ZNF318: variants seen among roughly 807,000 people sequenced by gnomAD.
ZNF318 encodes endocrine regulator.
ZNF318 carries 51 observed loss-of-function variants against 124.2 expected under a neutral mutation model. The ratio of observed to expected loss-of-function variants is 0.41; its 90% confidence interval spans 0.33 to 0.52. The LOEUF is 0.52. Among genes scored for constraint, ZNF318 ranks in the 20% least tolerant of loss-of-function variants. ZNF318 has a pLI of 0.23. For synonymous variants in ZNF318, 1,090 were observed against 1,040.7 expected (o/e 1.05, Z -0.91); for missense variants, 2,815 against 2,811.2 (o/e 1.00, Z -0.03).
rs1379892692 is a variant in ZNF318 at position 43,357,758 on chromosome 6, G to C, written c.556C>G (p.Leu186Val). 6.3e-7 allele frequency: 1 copy of C among 1,590,110 alleles called. No homozygotes were observed. Among genetic ancestry groups the C allele is most frequent in the Non-Finnish European group, 8.5e-7 (1 of 1,175,606 alleles). The change falls in exon 3 of 10, where the codon CTG (leucine) becomes GTG (valine). Residue 186 changes from leucine (L) to valine (V), a missense_variant. This residue lies in a region of ZNF318 where 1,377 missense variants were observed against 1,353.5 expected (regional missense o/e 1.02). Coordinates refer to ENST00000361428, the MANE Select transcript of ZNF318 (RefSeq NM_014345.3). ...DNLEDMDRDD[L>V]TDDSVFTRSS... ...CGAGTGAAGACAGAATCATCAGTCA[G>C]GTCATCCCTGAGGAAAAAGAGAAGC...
At chr6:43,363,920 A>G in intron 2 of ZNF318, 1 of 676,524 alleles carries the variant, frequency 1.5e-6, no homozygotes, top group South Asian at 1.6e-5. Context: ...CACAGAGGCT[A>G]CTGGGGGAAC....
rs1779747793 is a variant in ZNF318, at chr6:43,365,446, A to G, written c.400-6T>C. ...CACAGACCAGGAGAGCGTCTCTACA[A>G]AAGTAAAGGATAATATGGTTAGTCA... On this transcript the variant is annotated splice_region_variant and splice_polypyrimidine_tract_variant and intron_variant, in intron 1 of 9. Transcript: ENST00000361428. 2 of 1,612,550 alleles carry G rather than the reference A, an allele frequency of 1.2e-6. No individual in the cohort carries two copies. The highest frequency in any genetic ancestry group is 1.3e-5 in the African/African-American group (1 of 75,026).
intron 2 of ZNF318, among the ~76,000 whole-genome samples, chr6:43,362,435 G>A (rs1779694200): frequency 6.7e-6 from 1 of 150,236 alleles, no homozygotes; most frequent in African/African-American, 2.5e-5. Flanking sequence ...CCAGGCAACA[G>A]TGCAAGACTC....
intron 2 of ZNF318, among the ~76,000 whole-genome samples, chr6:43,358,409 G>A (rs966608066): frequency 5.7e-5 from 6 of 104,658 alleles, no homozygotes; most frequent in South Asian, 3.3e-4. Flanking sequence ...CATCACACCC[G>A]GCTAATTTTT....
chr6:43,355,131 A>C lies in ZNF318; in HGVS notation c.2203T>G (p.Ser735Ala). Residue 735 changes from serine (S) to alanine (A), a missense_variant, in exon 4 of 10, where the codon TCT becomes GCT. Ser to Ala is a moderately conservative substitution (Grantham distance 99). This residue lies in a region of ZNF318 where 1,377 missense variants were observed against 1,353.5 expected (regional missense o/e 1.02). Coordinates refer to ENST00000361428, the MANE Select transcript of ZNF318 (RefSeq NM_014345.3). ...PEVVGSGFQS[S>A]VAVRCMLPSA... ...GGCAACATGCACCTGACTGCAACAG[A>C]TGACTGAAACCCACTACCAACCACC... The C allele has an allele frequency of 6.2e-7, 1 of 1,614,220 alleles. No individual in the cohort carries two copies. The highest frequency in any genetic ancestry group is 1.6e-4 in the Middle Eastern group (1 of 6,062).
At position 43,355,627 on chromosome 6, in the gene ZNF318, G is replaced by C. The variant is rs1296545365; in HGVS notation, c.1707C>G (p.Ser569=). ...TTACAGCTGGAGCTGAAGACGGCAG[G>C]GAGCTTGCCTTCTGCCTCATAACTT... ...ESEVMRQKAS[S]LPSSAPAVKL... Residue 569 remains serine (S), a synonymous_variant, in exon 4 of 10, where the codon TCC becomes TCG. Transcript: ENST00000361428. The C allele has an allele frequency of 6.2e-7, 1 of 1,614,210 alleles. No individual in the cohort carries two copies. Among genetic ancestry groups the C allele is most frequent in the Non-Finnish European group, 8.5e-7 (1 of 1,180,040 alleles).
At position 43,369,392 on chromosome 6, in the gene ZNF318, C is replaced by A; in HGVS notation, c.-27G>T. 1 of 1,204,672 alleles carries A rather than the reference C, an allele frequency of 8.3e-7. No homozygotes were observed. The highest frequency in any genetic ancestry group is 3.0e-5 in the South Asian group (1 of 32,976). 74.6% of individuals were successfully genotyped at this position (1,204,672 alleles called of 1,614,324 possible). A position where few individuals can be genotyped will look rare whatever the true frequency, so the allele number is the denominator to read the frequency against. On this transcript the variant is annotated 5_prime_UTR_variant, in exon 1 of 10. Coordinates refer to ENST00000361428, the MANE Select transcript of ZNF318 (RefSeq NM_014345.3). ...GTTCTTGCAGCGGCGGCCACGGCGA[C>A]AGCTCTGACCCGGGGGCGCCCTAGA... is the stretch of plus-strand genomic sequence containing the variant.
Position 43,342,218 on chromosome 6 carries a change from G to T in ZNF318, c.3277-7C>A, listed in dbSNP as rs1581639900. The T allele has an allele frequency of 6.3e-7, 1 of 1,588,564 alleles. No individual in the cohort carries two copies. Among genetic ancestry groups the T allele is most frequent in the Non-Finnish European group, 8.5e-7 (1 of 1,173,536 alleles). On this transcript the variant is annotated splice_region_variant and splice_polypyrimidine_tract_variant and intron_variant, in intron 7 of 9. Coordinates refer to ENST00000361428, the MANE Select transcript of ZNF318 (RefSeq NM_014345.3). Reference sequence around the variant, plus strand: ...TGTTGTAGGGATCCAGTGTCTATTTGTAAGAGGCAGAGGTGCTCACACAAC... The same window carrying T: ...TGTTGTAGGGATCCAGTGTCTATTTTTAAGAGGCAGAGGTGCTCACACAAC...
At position 43,341,466 on chromosome 6, in the gene ZNF318, C is replaced by T. The variant is rs551276505; in HGVS notation, c.3377-558G>A. Among the ~76,000 whole-genome samples the T allele has an allele frequency of 3.0e-4, 46 of 152,118 alleles. 2 individuals are homozygous for T. Among genetic ancestry groups the T allele is most frequent in the African/African-American group, 1.0e-3 (43 of 41,502 alleles). ...AGGAGATCGAGACCATCCTGGCTAA[C>T]ACAGTGAAACCCCGTCTCTACTAAA... On this transcript the variant is annotated intron_variant, in intron 8 of 9. Transcript: ENST00000361428.
At position 43,365,427 on chromosome 6, in the gene ZNF318, C is replaced by T; in HGVS notation, c.413G>A (p.Gly138Asp). The T allele has an allele frequency of 6.2e-7, 1 of 1,613,718 alleles. No individual in the cohort carries two copies. The highest frequency in any genetic ancestry group is 1.3e-5 in the African/African-American group (1 of 75,032). The change falls in exon 2 of 10, where the codon GGT becomes GAT. Residue 138 changes from glycine (G) to aspartate (D), a missense_variant. Physicochemically the swap from Gly to Asp is moderately conservative, Grantham distance 94. This residue lies in a region of ZNF318 where 1,377 missense variants were observed against 1,353.5 expected (regional missense o/e 1.02). Coordinates refer to ENST00000361428, the MANE Select transcript of ZNF318 (RefSeq NM_014345.3). ...CTTTTCCAAAGAGTCAGAACACAGA[C>T]CAGGAGAGCGTCTCTACAAAAGTAA... ...GDSGSRRRSP[G>D]LCSDSLEKSL... is the part of the protein sequence containing the mutation.
At position 43,355,407 on chromosome 6, in the gene ZNF318, C is replaced by T; in HGVS notation, c.1927G>A (p.Asp643Asn). The T allele has an allele frequency of 6.2e-7, 1 of 1,614,116 alleles. No homozygotes were observed. Among genetic ancestry groups the T allele is most frequent in the Non-Finnish European group, 8.5e-7 (1 of 1,180,040 alleles). Residue 643 changes from aspartate (D) to asparagine (N), a missense_variant, in exon 4 of 10, where the codon GAC (aspartate) becomes AAC (asparagine). Around this residue, in one of 4 missense-constraint regions of ZNF318, gnomAD observed 1,377 missense variants for 1,353.5 expected, o/e 1.02. Transcript: ENST00000361428. ...CGGTGGTCAACTGAGGAACAGTGGTCAGCTGAAAAGTATCGGTCAACTGAG... is the reference window on the plus strand; with the variant it reads ...CGGTGGTCAACTGAGGAACAGTGGTTAGCTGAAAAGTATCGGTCAACTGAG... ...RSSVDRYFSADHCSSVDHRFS... is the reference protein window; with the variant it reads ...RSSVDRYFSANHCSSVDHRFS...
rs779133070 is a variant in ZNF318 at position 43,337,385 on chromosome 6, A to C, written c.6613T>G (p.Leu2205Val). The C allele has an allele frequency of 6.2e-7, 1 of 1,614,060 alleles. No homozygotes were observed. Among genetic ancestry groups the C allele is most frequent in the Non-Finnish European group, 8.5e-7 (1 of 1,179,982 alleles). ...GDPSKCSSLE[L>V]GPLQLEISNA... ...GATATTTCTAGCTGTAATGGCCCCA[A>C]CTCCAGGGAACTACATTTAGAAGGG... is the stretch of plus-strand genomic sequence containing the variant. The change falls in exon 10 of 10, where the codon TTG becomes GTG. Residue 2205 changes from leucine (L) to valine (V), a missense_variant. Leu to Val is a conservative substitution (Grantham distance 32, BLOSUM62 1). Transcript: ENST00000361428.
chr6:43,338,454 T>C lies in ZNF318; in HGVS notation c.5544A>G (p.Pro1848=). 2 of 1,614,234 alleles carry C rather than the reference T, an allele frequency of 1.2e-6. No homozygotes were observed. The highest frequency in any genetic ancestry group is 1.7e-6 in the Non-Finnish European group (2 of 1,180,036). The change falls in exon 10 of 10, where the codon CCA becomes CCG. Residue 1848 remains proline (P), a synonymous_variant. Coordinates refer to ENST00000361428, the MANE Select transcript of ZNF318 (RefSeq NM_014345.3). ...GACTCAATTTGATCACTACTTTACT[T>C]GGAGTTTCACTTCCTGTCATCAATT... ...SNKLMTGSET[P]SKVVIKLSPQ...
In ZNF318 at chr6:43,340,357, T is replaced by C. The variant is rs1484812591; in HGVS notation, c.3641A>G (p.Glu1214Gly). Residue 1214 changes from glutamate (E) to glycine (G), a missense_variant, in exon 10 of 10, where the codon GAA (glutamate) becomes GGA (glycine). Around this residue, in one of 4 missense-constraint regions of ZNF318, gnomAD observed 500 missense variants for 605.2 expected, o/e 0.83. Coordinates refer to ENST00000361428, the MANE Select transcript of ZNF318 (RefSeq NM_014345.3). ...LSEKPKEEKKEKKAKAVKEVK... is the reference protein window; with the variant it reads ...LSEKPKEEKKGKKAKAVKEVK... ...TTCTTTCACAGCCTTTGCCTTTTTT[T>C]CTTTCTTCTCCTCCTTTGGTTTCTC... The C allele has an allele frequency of 6.2e-7, 1 of 1,614,078 alleles. No homozygotes were observed.
Position 43,368,893 on chromosome 6 carries a change from G to A in ZNF318, c.399+74C>T. ...TAGGACCCTGGTCTGGAGGCCCCGG[G>A]CGTTTCTGGAAACGGGAATTCCGGG... On this transcript the variant is annotated intron_variant, in intron 1 of 9. Transcript: ENST00000361428. 3 of 1,280,322 alleles carry A rather than the reference G, an allele frequency of 2.3e-6. 1 individual carries two copies. The highest frequency in any genetic ancestry group is 4.6e-5 in the South Asian group (2 of 43,582). 79.3% of individuals were successfully genotyped at this position (1,280,322 alleles called of 1,614,324 possible).
intron 6 of ZNF318, among the ~76,000 whole-genome samples, chr6:43,345,286 G>A (rs1441253058): frequency 2.0e-5 from 3 of 151,338 alleles, no homozygotes; most frequent in African/African-American, 7.3e-5. Flanking sequence ...TTGTCTCTAG[G>A]TAGATGAAAT....
At position 43,340,833 on chromosome 6, in the gene ZNF318, C is replaced by T; in HGVS notation, c.3452G>A (p.Gly1151Glu). ...TTGGTGACCCTTCACATGTTGCTCC[C>T]CAGAAATTGGATCCCCCAAAAATTC... ...CEEFLGDPIS[G>E]EQHVKGHQHN... The change falls in exon 9 of 10, where the codon GGG (glycine) becomes GAG (glutamate). Residue 1151 changes from glycine (G) to glutamate (E), a missense_variant. By Grantham distance (98) the Gly-to-Glu change is moderately conservative. This residue lies in a region of ZNF318 where 500 missense variants were observed against 605.2 expected (regional missense o/e 0.83). Transcript: ENST00000361428. 6.2e-7 allele frequency: 1 copy of T among 1,614,170 alleles called. No homozygotes were observed. Among genetic ancestry groups the T allele is most frequent in the Non-Finnish European group, 8.5e-7 (1 of 1,180,016 alleles).
Position 43,355,763 on chromosome 6 carries a change from C to T in ZNF318, c.1571G>A (p.Arg524Lys), listed in dbSNP as rs769012777. The change falls in exon 4 of 10, where the codon AGG becomes AAG. Residue 524 changes from arginine (R) to lysine (K), a missense_variant. By Grantham distance (26) the Arg-to-Lys change is conservative (BLOSUM62 2). Transcript: ENST00000361428. ...TTCAATGTCGGGAAAGCTACGTCGC[C>T]TTTTTTCCTGTGTACTGGTAGAATC... is the stretch of plus-strand genomic sequence containing the variant. ...LADSTSTQEK[R>K]RRSFPDIEDE... 6.2e-7 allele frequency: 1 copy of T among 1,614,188 alleles called. No homozygotes were observed. Among genetic ancestry groups the T allele is most frequent in the South Asian group, 1.1e-5 (1 of 91,084 alleles).
At chr6:43,344,720 G>A (rs967731295) in intron 6 of ZNF318, among the ~76,000 whole-genome samples, 1 of 152,044 alleles carries the variant, frequency 6.6e-6, no homozygotes, top group African/African-American at 2.4e-5. Flanking sequence ...ACTGTTCAGT[G>A]TGATACTTCC....
Sources: gnomAD v4.1 joint callset for allele counts (sites outside exome capture counted in the v4.1 genomes callset) on GRCh38, gnomAD v4.1.1 for gene constraint, gnomAD v4.1.1 regional missense constraint, MANE v1.5 for transcripts, NCBI Gene and HGNC (gene_info 2026-07-23, HGNC 2026-07-21) for gene names.